The following SORCS2 variants were observed in gnomAD, a reference collection of about 807,000 sequenced individuals.
SORCS2 encodes the protein VPS10 domain-containing receptor SorCS2.
Under a neutral mutation model 141.6 loss-of-function variants are expected in SORCS2, and 100 were observed. The ratio of observed to expected loss-of-function variants is 0.71; its 90% confidence interval spans 0.60 to 0.83. The LOEUF is 0.83. Among genes scored for constraint, SORCS2 ranks in the 40% least tolerant of loss-of-function variants. The pLI, the probability that SORCS2 is intolerant of heterozygous loss-of-function variation, is 0.00. For missense variants in SORCS2, 1,646 were observed against 1,560.2 expected (o/e 1.05, Z -0.93); for synonymous variants, 789 against 676.9 (o/e 1.17, Z -2.57).
chr4:7,564,886 C>T (rs1352894623), intron 3 of SORCS2, among the ~76,000 whole-genome samples: 1 of 152,170 alleles, frequency 6.6e-6, no homozygotes, highest in Admixed American at 6.5e-5. Flanking sequence ...TCATTGCTTG[C>T]CTTAGTTACC....
chr4:7,640,089 G>T (rs191243442), intron 4 of SORCS2, among the ~76,000 whole-genome samples: 24 of 149,394 alleles, frequency 1.6e-4, no homozygotes, highest in African/African-American at 5.4e-4. Context: ...CAGCATGTCA[G>T]TGTGTGCTTG....
At chr4:7,727,784 G>T (rs971199350) in intron 21 of SORCS2, among the ~76,000 whole-genome samples, 1 of 152,212 alleles carries the variant, frequency 6.6e-6, no homozygotes, top group Non-Finnish European at 1.5e-5. Flanking sequence ...AAGTGGAGAG[G>T]TTAAAGTTTA....
intron 2 of SORCS2, among the ~76,000 whole-genome samples, chr4:7,496,621 A>C (rs1375664661): frequency 2.6e-5 from 4 of 152,038 alleles, no homozygotes; most frequent in Non-Finnish European, 5.9e-5. Context: ...GCATGATAAA[A>C]ATAAAGAGAA....
intron 3 of SORCS2, among the ~76,000 whole-genome samples, chr4:7,595,065 T>G (rs914319338): frequency 1.3e-5 from 2 of 152,180 alleles, no homozygotes; most frequent in East Asian, 3.9e-4. Flanking sequence ...CCGCTGCAGA[T>G]GCCAGTCACA....
chr4:7,675,394 G>A (rs941400179), intron 8 of SORCS2, among the ~76,000 whole-genome samples: 1 of 152,176 alleles, frequency 6.6e-6, no homozygotes, highest in African/African-American at 2.4e-5. Flanking sequence ...GGCTGGCAGG[G>A]ACCGGCACAG....
chr4:7,353,928 C>T (rs1721100661), intron 1 of SORCS2, among the ~76,000 whole-genome samples: 1 of 152,166 alleles, frequency 6.6e-6, no homozygotes, highest in South Asian at 2.1e-4. Flanking sequence ...CTCAAGGATG[C>T]CAATCACAGC....
chr4:7,612,835 C>T (rs1047075310), intron 3 of SORCS2, among the ~76,000 whole-genome samples: 1 of 148,962 alleles, frequency 6.7e-6, no homozygotes, highest in African/African-American at 2.5e-5. Context: ...GCCTGGCCCA[C>T]AGCAGGCACC....
chr4:7,200,085 G>C (rs115749219), intron 1 of SORCS2, among the ~76,000 whole-genome samples: 1 of 152,058 alleles, frequency 6.6e-6, no homozygotes, highest in Non-Finnish European at 1.5e-5. Flanking sequence ...ATGGGCTCTC[G>C]TGCTGCTCTG....
At chr4:7,323,842 C>G (rs1201102436) in intron 1 of SORCS2, among the ~76,000 whole-genome samples, 1 of 151,916 alleles carries the variant, frequency 6.6e-6, no homozygotes, top group Admixed American at 6.6e-5. Context: ...GAACTTATTC[C>G]AAGCCCCTGG....
At chr4:7,720,093 ACT>A (rs559791909) in intron 18 of SORCS2, among the ~76,000 whole-genome samples, 210 of 152,134 alleles carry the variant, frequency 1.4e-3, no homozygotes, top group African/African-American at 5.0e-3. Flanking sequence ...TCATGTATTC[ACT>A]CTCAAACTCG....
At position 7,469,276 on chromosome 4, in the gene SORCS2, A is replaced by ATGGTGATGGTGATGGTGGTGTTGG. The variant is rs753922268; in HGVS notation, c.549-62252_549-62251insGTGATGGTGATGGTGGTGTTGGTG. 5.7e-3 allele frequency among the ~76,000 whole-genome samples: 872 copies of ATGGTGATGGTGATGGTGGTGTTGG among 151,688 alleles called. 12 individuals are homozygous for ATGGTGATGGTGATGGTGGTGTTGG. The highest frequency in any genetic ancestry group is 0.02 in the African/African-American group (823 of 41,306). On this transcript the variant is annotated intron_variant, in intron 2 of 26. Transcript: ENST00000507866. The stretch of plus-strand genomic sequence containing the variant: ...GGTGATGGTAATGGTGGTGTTGGTG[A>ATGGTGATGGTGATGGTGGTGTTGG]TGATGATGATGATGATGATGACAAT...
At chr4:7,327,243 C>T (rs1560194988) in intron 1 of SORCS2, among the ~76,000 whole-genome samples, 1 of 152,204 alleles carries the variant, frequency 6.6e-6, no homozygotes, top group Non-Finnish European at 1.5e-5. Context: ...GGCCACTGGG[C>T]CTCCCAGGAG....
At chr4:7,355,689 CA>C (rs977144941) in intron 1 of SORCS2, among the ~76,000 whole-genome samples, 2 of 152,298 alleles carry the variant, frequency 1.3e-5, no homozygotes, top group East Asian at 3.9e-4. Flanking sequence ...TCTGGGCCCC[CA>C]GAGCGCATGA....
chr4:7,534,095 G>A lies in SORCS2; in HGVS notation c.648+2466G>A, dbSNP rs554012278. The stretch of plus-strand genomic sequence containing the variant: ...ACATTTAGCCTAGAAATATCACTGC[G>A]GGTACAGGATTGGGTCTGATGGTGG... On this transcript the variant is annotated intron_variant, in intron 3 of 26. Transcript: ENST00000507866. 3.1e-4 allele frequency among the ~76,000 whole-genome samples: 47 copies of A among 152,354 alleles called. 1 individual carries two copies. The South Asian group carries it at 6.4e-3, about 21-fold the overall frequency.
At chr4:7,493,727 G>A (rs1372600081) in intron 2 of SORCS2, among the ~76,000 whole-genome samples, 4 of 152,194 alleles carry the variant, frequency 2.6e-5, no homozygotes, top group Non-Finnish European at 5.9e-5. Flanking sequence ...GAGAGAACAC[G>A]CGGAGCCATG....
At chr4:7,308,254 T>TG (rs1313007956) in intron 1 of SORCS2, among the ~76,000 whole-genome samples, 1 of 152,120 alleles carries the variant, frequency 6.6e-6, no homozygotes, top group African/African-American at 2.4e-5. Context: ...CAGTGCCCGG[T>TG]GGGGCCTCAA....
chr4:7,466,603 G>A (rs1729631484), intron 2 of SORCS2, among the ~76,000 whole-genome samples: 1 of 152,220 alleles, frequency 6.6e-6, no homozygotes, highest in Admixed American at 6.5e-5. Context: ...GGGCAGCCTG[G>A]AAACACGGGG....
chr4:7,625,002 A>C (rs1719432192), intron 3 of SORCS2, among the ~76,000 whole-genome samples: 1 of 152,252 alleles, frequency 6.6e-6, no homozygotes, highest in Admixed American at 6.5e-5. Context: ...GAGTTATTTT[A>C]TATGCTCTGA....
intron 2 of SORCS2, among the ~76,000 whole-genome samples, chr4:7,446,902 C>A (rs897438794): frequency 1.2e-4 from 18 of 152,230 alleles, no homozygotes; most frequent in Admixed American, 1.2e-3. Flanking sequence ...ATTGCAGAAA[C>A]TGAGGCTCAC....
Sources: gnomAD v4.1 joint callset for allele counts (sites outside exome capture counted in the v4.1 genomes callset) on GRCh38, gnomAD v4.1.1 for gene constraint, MANE v1.5 for transcripts, NCBI Gene and HGNC (gene_info 2026-07-23, HGNC 2026-07-21) for gene names.